The following TGFA variants were observed in gnomAD, a reference collection of about 807,000 sequenced individuals.
TGFA encodes transforming growth factor alpha, also known as protransforming growth factor alpha.
In TGFA, 12 loss-of-function variants were observed where a neutral mutation model predicts 21.7. The ratio of observed to expected loss-of-function variants is 0.55; its 90% confidence interval spans 0.35 to 0.90. TGFA has a LOEUF of 0.90. Ranked by LOEUF, TGFA falls within the 40% of genes least tolerant of loss-of-function variation. The pLI, the probability that TGFA is intolerant of heterozygous loss-of-function variation, is 0.01. For missense variants in TGFA, 178 were observed against 210.8 expected (o/e 0.84, Z 0.96); for synonymous variants, 79 against 88.1 (o/e 0.90, Z 0.58).
intron 3 of TGFA, among the ~76,000 whole-genome samples, chr2:70,460,652 C>G (rs1327855684): frequency 6.6e-6 from 1 of 152,190 alleles, no homozygotes; most frequent in East Asian, 1.9e-4. Context: ...ACCAGATTCA[C>G]CAAGTCCTAT....
At chr2:70,509,917 A>G (rs1390033583) in intron 2 of TGFA, among the ~76,000 whole-genome samples, 1 of 152,224 alleles carries the variant, frequency 6.6e-6, no homozygotes, top group African/African-American at 2.4e-5. Flanking sequence ...TCTTTTGAAG[A>G]TAGGTCATAA....
chr2:70,544,982 T>C (rs1332862173), intron 1 of TGFA, among the ~76,000 whole-genome samples: 1 of 152,166 alleles, frequency 6.6e-6, no homozygotes, highest in African/African-American at 2.4e-5. Flanking sequence ...TCAATAATAA[T>C]TTAATTTTAT....
intron 2 of TGFA, among the ~76,000 whole-genome samples, chr2:70,473,363 A>G (rs1670814983): frequency 6.6e-6 from 1 of 151,952 alleles, no homozygotes; most frequent in Non-Finnish European, 1.5e-5. Flanking sequence ...GTGAGCAGGG[A>G]TCCTGCTCCC....
chr2:70,471,290 TA>T (rs1405723871), intron 2 of TGFA, among the ~76,000 whole-genome samples: 1 of 152,148 alleles, frequency 6.6e-6, no homozygotes, highest in African/African-American at 2.4e-5. Flanking sequence ...GGTTTTCTGA[TA>T]GGGGATGTGA....
At chr2:70,546,298 C>A (rs1055629208) in intron 1 of TGFA, among the ~76,000 whole-genome samples, 15 of 151,686 alleles carry the variant, frequency 9.9e-5, no homozygotes, top group Admixed American at 9.8e-4. Flanking sequence ...CCCTTCATTA[C>A]TTTTTTTTAT....
chr2:70,452,299 G>T (rs1188897167), intron 5 of TGFA, among the ~76,000 whole-genome samples: 1 of 152,150 alleles, frequency 6.6e-6, no homozygotes, highest in Non-Finnish European at 1.5e-5. Flanking sequence ...GACTTTTCCA[G>T]CCCTGTTTGG....
At chr2:70,450,888 T>C (rs782566590) in intron 5 of TGFA, 22 bp from the exon 6 acceptor site, 2 of 1,604,862 alleles carry the variant, frequency 1.2e-6, no homozygotes, top group East Asian at 4.5e-5. Context: ...GAAAAACAGG[T>C]TAAGCACTGT....
Position 70,453,253 on chromosome 2 carries a change from A to T in TGFA, c.440T>A (p.Leu147Gln), listed in dbSNP as rs1227430130. Residue 147 changes from leucine (L) to glutamine (Q), a missense_variant, in exon 5 of 6, where the codon CTG becomes CAG. Leu to Gln is a moderately radical substitution (Grantham distance 113). Transcript: ENST00000295400. ...GTGGCAGCAAGCGGTTCTTCCCTTC[A>T]GGAGGGCGCTGGGCTTCTCGTGCCG... is the stretch of plus-strand genomic sequence containing the variant. ...ICRHEKPSAL[L>Q]KGRTACCHSE... 2 of 1,613,858 alleles carry T rather than the reference A, an allele frequency of 1.2e-6. No homozygotes were observed. The highest frequency in any genetic ancestry group is 2.7e-5 in the African/African-American group (2 of 74,914).
At chr2:70,524,457 C>T (rs782534731) in intron 1 of TGFA, among the ~76,000 whole-genome samples, 2 of 152,174 alleles carry the variant, frequency 1.3e-5, no homozygotes, top group Non-Finnish European at 2.9e-5. Flanking sequence ...GCTGAGGGCC[C>T]CCATCCAAAT....
chr2:70,524,565 C>T (rs1204024228), intron 1 of TGFA, among the ~76,000 whole-genome samples: 16 of 152,196 alleles, frequency 1.1e-4, no homozygotes, highest in Admixed American at 9.2e-4. Flanking sequence ...CTACCAGGGC[C>T]GAGTTCTGAG....
At chr2:70,539,959 T>G (rs782451210) in intron 1 of TGFA, among the ~76,000 whole-genome samples, 2 of 152,142 alleles carry the variant, frequency 1.3e-5, no homozygotes, top group Admixed American at 6.5e-5. Flanking sequence ...AAATAGACAG[T>G]CTCAGTTCAC....
intron 2 of TGFA, among the ~76,000 whole-genome samples, chr2:70,501,764 T>C (rs1327396755): frequency 6.6e-6 from 1 of 152,200 alleles, no homozygotes; most frequent in Non-Finnish European, 1.5e-5. Flanking sequence ...CTTCAATTCT[T>C]ACAGCATTAG....
At chr2:70,504,661 G>A (rs943737941) in intron 2 of TGFA, among the ~76,000 whole-genome samples, 6 of 151,766 alleles carry the variant, frequency 4.0e-5, no homozygotes, top group Non-Finnish European at 7.4e-5. Context: ...GCTTTAAGCT[G>A]TATGTCTAAA....
chr2:70,458,787 C>G (rs1393532294), intron 3 of TGFA, among the ~76,000 whole-genome samples: 1 of 152,212 alleles, frequency 6.6e-6, no homozygotes, highest in Non-Finnish European at 1.5e-5. Context: ...CCCTGAACCC[C>G]CCAGGACTAT....
intron 1 of TGFA, among the ~76,000 whole-genome samples, chr2:70,534,021 C>T (rs533580924): frequency 1.3e-5 from 2 of 152,132 alleles, no homozygotes; most frequent in East Asian, 1.9e-4. Context: ...GTAGAATGCA[C>T]ACACTGTGGC....
chr2:70,478,594 T>G (rs1574087120), intron 2 of TGFA, among the ~76,000 whole-genome samples: 1 of 152,372 alleles, frequency 6.6e-6, no homozygotes, highest in East Asian at 1.9e-4. Context: ...TTAGTTTTAC[T>G]GGCAATGTGT....
At chr2:70,533,322 CT>C (rs1228539211) in intron 1 of TGFA, among the ~76,000 whole-genome samples, 2 of 152,062 alleles carry the variant, frequency 1.3e-5, no homozygotes, top group African/African-American at 2.4e-5. Context: ...CCTTTTCCCC[CT>C]ACCCCCACCC....
chr2:70,552,704 G>A (rs1185412731), intron 1 of TGFA, among the ~76,000 whole-genome samples: 1 of 152,242 alleles, frequency 6.6e-6, no homozygotes, highest in Non-Finnish European at 1.5e-5. Context: ...TGAGGCTGCG[G>A]CTCTGGGCAT....
intron 1 of TGFA, among the ~76,000 whole-genome samples, chr2:70,520,095 C>T (rs1198193276): frequency 6.6e-6 from 1 of 152,220 alleles, no homozygotes; most frequent in Non-Finnish European, 1.5e-5. Context: ...TGAGCACCCA[C>T]TGAACACAGC....
Sources: allele counts gnomAD v4.1 joint callset (sites outside exome capture counted in the v4.1 genomes callset), GRCh38; gene constraint gnomAD v4.1.1; transcripts MANE v1.5; gene names NCBI Gene and HGNC (gene_info 2026-07-23, HGNC 2026-07-21).